SLC6A16: variants seen among roughly 807,000 people sequenced by gnomAD.
SLC6A16 encodes the protein orphan sodium- and chloride-dependent neurotransmitter transporter NTT5.
A neutral mutation model predicts 65.4 loss-of-function variants in SLC6A16; 54 were observed. That is an observed-to-expected ratio of 0.83 (90% CI 0.66 to 1.04). SLC6A16 has a LOEUF of 1.04. Among genes scored for constraint, SLC6A16 ranks in the 50% least tolerant of loss-of-function variants. SLC6A16 has a pLI of 0.00. For missense variants in SLC6A16, 816 were observed against 914.0 expected (o/e 0.89, Z 1.38); for synonymous variants, 330 against 346.5 (o/e 0.95, Z 0.53).
chr19:49,337,738 A>G, the SLC6A16 span: 1 of 1,536,286 alleles, frequency 6.5e-7, no homozygotes, highest in Non-Finnish European at 8.7e-7. Context: ...GAAGAGACAG[A>G]GACTTATGAG....
chr19:49,331,230 G>C, the SLC6A16 span, among the ~76,000 whole-genome samples: 1 of 152,050 alleles, frequency 6.6e-6, no homozygotes. Context: ...ATCCAGGCTG[G>C]AGTGCAGTGG....
At chr19:49,299,832 G>A (rs1323010706) in intron 7 of SLC6A16, among the ~76,000 whole-genome samples, 1 of 151,770 alleles carries the variant, frequency 6.6e-6, no homozygotes, top group Non-Finnish European at 1.5e-5. Context: ...AGACCAGCCT[G>A]GCCAACATGG....
the SLC6A16 span, chr19:49,335,543 G>A: frequency 1.9e-6 from 3 of 1,613,494 alleles, no homozygotes; most frequent in Non-Finnish European, 1.7e-6. This position sits in a 1 kb window ranked among gnomAD's most constrained non-coding sequence, Gnocchi z 4.6. Flanking sequence ...AGGTGAAGAT[G>A]TCAGCCCAGG....
At position 49,309,046 on chromosome 19, in the gene SLC6A16, G is replaced by T; in HGVS notation, c.1059C>A (p.Gly353=). The change falls in exon 7 of 12, where the codon GGC becomes GGA. Residue 353 remains glycine (G), a synonymous_variant. Coordinates refer to ENST00000335875, the MANE Select transcript of SLC6A16 (RefSeq NM_014037.3). Reference sequence around the variant, plus strand: ...AGGCTAAGGAGGCAACGGAGCCAAGGCCTATGCCTGTGTTAGACAAAACTT... The same window carrying T: ...AGGCTAAGGAGGCAACGGAGCCAAGTCCTATGCCTGTGTTAGACAAAACTT... The part of the protein sequence containing the change: ...GGQVLSNTGI[G]LGSVASLASY... 3 of 1,614,154 alleles carry T rather than the reference G, an allele frequency of 1.9e-6. No individual in the cohort carries two copies. Among genetic ancestry groups the T allele is most frequent in the Non-Finnish European group, 2.5e-6 (3 of 1,180,002 alleles).
chr19:49,340,097 C>G, the SLC6A16 span: 6 of 1,529,112 alleles, frequency 3.9e-6, no homozygotes, highest in Non-Finnish European at 5.3e-6. Flanking sequence ...GCGGCAGTTC[C>G]CGTCGAGCCC....
chr19:49,339,538 T>C, the SLC6A16 span: 504 of 1,453,398 alleles, frequency 3.5e-4, no homozygotes, highest in East Asian at 1.5e-3. The surrounding 1 kb of genome is among the most constrained non-coding windows in gnomAD (Gnocchi z 4.5). Flanking sequence ...ACCCCGGCCC[T>C]CCCGCCGCTC....
At chr19:49,328,081 C>G (rs1424143701), upstream of SLC6A16, among the ~76,000 whole-genome samples, 1 of 152,184 alleles carries the variant, frequency 6.6e-6, no homozygotes. Flanking sequence ...CAGGCTCCCC[C>G]TGGCTTCTGG....
intron 1 of SLC6A16, among the ~76,000 whole-genome samples, chr19:49,321,496 G>A (rs1057031553): frequency 6.6e-6 from 1 of 151,960 alleles, no homozygotes; most frequent in Non-Finnish European, 1.5e-5. Context: ...AGCACTTTGG[G>A]AGGCCAAGGC....
At position 49,308,984 on chromosome 19, in the gene SLC6A16, G is replaced by A. The variant is rs775963719; in HGVS notation, c.1121C>T (p.Ala374Val). The A allele has an allele frequency of 6.2e-7, 1 of 1,614,050 alleles. No homozygotes were observed. Among genetic ancestry groups the A allele is most frequent in the Admixed American group, 1.7e-5 (1 of 59,986 alleles). ...MPQSNNCLSD[A>V]FLVSVINLLT... is the part of the protein sequence containing the mutation. ...CAGGTTTATCACAGACACGAGAAAG[G>A]CATCACTGAGACAGTTGTTGGACTG... Residue 374 changes from alanine to valine, a missense_variant, in exon 7 of 12, where the codon GCC becomes GTC. Transcript: ENST00000335875.
the SLC6A16 span, chr19:49,337,010 G>A: frequency 6.2e-7 from 1 of 1,613,576 alleles, no homozygotes; most frequent in Non-Finnish European, 8.5e-7. Context: ...GGCCCTCAAG[G>A]AGCTCCGCTG....
chr19:49,316,857 CAAAAAA>C (rs34224524), intron 1 of SLC6A16, among the ~76,000 whole-genome samples: 1 of 123,574 alleles, frequency 8.1e-6, no homozygotes, highest in Non-Finnish European at 1.7e-5. Flanking sequence ...CCATCTCTAC[CAAAAAA>C]AAAAAAAAAA....
At position 49,289,941 on chromosome 19, in the gene SLC6A16, T is replaced by C; in HGVS notation, c.*182A>G. The C allele has an allele frequency of 1.6e-6, 1 of 615,284 alleles. No individual in the cohort carries two copies. The highest frequency in any genetic ancestry group is 2.8e-6 in the Non-Finnish European group (1 of 351,806). The allele number at this position is 615,284 out of a possible 1,614,324, so 38.1% of individuals were successfully genotyped here. A position where few individuals can be genotyped will look rare whatever the true frequency, so the allele number is the denominator to read the frequency against. On this transcript the variant is annotated 3_prime_UTR_variant, in exon 12 of 12. Transcript: ENST00000335875. ...GAAAACAATGATGGTGGTCACCAGGTAAGATGGGACCCAGGAAGGGATTGC... is the reference window on the plus strand; with the variant it reads ...GAAAACAATGATGGTGGTCACCAGGCAAGATGGGACCCAGGAAGGGATTGC...
upstream of SLC6A16, among the ~76,000 whole-genome samples, chr19:49,329,880 G>A (rs188057072): frequency 4.1e-3 from 620 of 152,136 alleles, 3 homozygotes; most frequent in Admixed American, 0.018. Flanking sequence ...TGATCCGCCC[G>A]CCTCGGCCTC....
chr19:49,326,117 C>T (rs953505920), upstream of SLC6A16, among the ~76,000 whole-genome samples: 7 of 151,738 alleles, frequency 4.6e-5, no homozygotes, highest in Non-Finnish European at 1.0e-4. Context: ...TTGCAATGAG[C>T]CGAGATTTTG....
chr19:49,289,991 CA>C lies in SLC6A16; in HGVS notation c.*131del, dbSNP rs1970042546. The C allele has an allele frequency of 1.5e-5, 14 of 935,746 alleles. No homozygotes were observed. The South Asian group carries it at 2.2e-4, about 15-fold the overall frequency. 58.0% of individuals were successfully genotyped at this position (935,746 alleles called of 1,614,324 possible). A position where few individuals can be genotyped will look rare whatever the true frequency, so the allele number is the denominator to read the frequency against. On this transcript the variant is annotated 3_prime_UTR_variant, in exon 12 of 12. Transcript: ENST00000335875. The stretch of plus-strand genomic sequence containing the variant: ...CAAGTCCAGGCCCCATGAACACCCC[CA>C]AAGAATGCCCCTCCTCTTGGAAATA...
chr19:49,307,492 C>G (rs1036110492), intron 7 of SLC6A16, among the ~76,000 whole-genome samples: 6 of 151,806 alleles, frequency 4.0e-5, no homozygotes, highest in African/African-American at 1.5e-4. Context: ...TGTATATTCC[C>G]AGGCATCTTC....
chr19:49,297,212 A>G (rs1489971346), intron 7 of SLC6A16, among the ~76,000 whole-genome samples: 1 of 152,126 alleles, frequency 6.6e-6, no homozygotes, highest in Non-Finnish European at 1.5e-5. Context: ...AATGCTTACA[A>G]CTCAATAATT....
At chr19:49,328,318 G>A (rs992917475), upstream of SLC6A16, among the ~76,000 whole-genome samples, 2 of 152,184 alleles carry the variant, frequency 1.3e-5, no homozygotes, top group Non-Finnish European at 2.9e-5. Flanking sequence ...CAGATCTCAT[G>A]AGAACTCACT....
At chr19:49,335,697 G>A in the SLC6A16 span, 1,434 of 1,613,438 alleles carry the variant, frequency 8.9e-4, 11 homozygotes, top group African/African-American at 0.015. This position sits in a 1 kb window ranked among gnomAD's most constrained non-coding sequence, Gnocchi z 4.6. Flanking sequence ...CCCCGTATCC[G>A]CATCTCCTCT....
Sources: allele counts gnomAD v4.1 joint callset (sites outside exome capture counted in the v4.1 genomes callset), GRCh38; gene constraint gnomAD v4.1.1; non-coding constraint Gnocchi (gnomAD v3.1); transcripts MANE v1.5; gene names NCBI Gene and HGNC (gene_info 2026-07-23, HGNC 2026-07-21).